Variants in THADA observed in about 807,000 individuals in gnomAD.
The protein encoded by THADA is tRNA (32-2'-O)-methyltransferase regulator THADA.
THADA carries 213 observed loss-of-function variants against 219.8 expected under a neutral mutation model. The ratio of observed to expected loss-of-function variants is 0.97; its 90% CI spans 0.87 to 1.09. The LOEUF (loss-of-function observed/expected upper bound fraction) is 1.09. THADA is among the 50% of genes least tolerant of loss of function. The probability of loss-of-function intolerance (pLI) is 0.00; values close to 1 mark genes in which losing one functional copy is unlikely to be tolerated. For synonymous variants in THADA, 1,018 were observed against 828.9 expected (o/e 1.23, Z -3.92); for missense variants, 2,956 against 2,311.3 (o/e 1.28, Z -5.72).
At chr2:43,253,681 T>C (rs1670037106) in intron 36 of THADA, among the ~76,000 whole-genome samples, 1 of 151,876 alleles carries the variant, frequency 6.6e-6, no homozygotes. Context: ...TTAATTTCTC[T>C]CTCCTCTCCT....
intron 26 of THADA, among the ~76,000 whole-genome samples, chr2:43,450,316 C>A (rs1037068036): frequency 2.0e-5 from 3 of 152,000 alleles, no homozygotes; most frequent in African/African-American, 7.3e-5. Context: ...GTTTTGGACA[C>A]AACTGTATAA....
chr2:43,408,771 A>G (rs1558714584), intron 28 of THADA, among the ~76,000 whole-genome samples: 1 of 152,222 alleles, frequency 6.6e-6, no homozygotes, highest in African/African-American at 2.4e-5. Context: ...CCAGGCAGAT[A>G]GCTATCTTTT....
At position 43,581,936 on chromosome 2, in the gene THADA, G is replaced by A. The variant is rs200404011; in HGVS notation, c.534-8C>T. 1.3e-6 allele frequency: 2 copies of A among 1,513,852 alleles called. No individual in the cohort carries two copies. The highest frequency in any genetic ancestry group is 1.4e-5 in the African/African-American group (1 of 70,388). The allele number at this position is 1,513,852 out of a possible 1,614,324, so 93.8% of individuals were successfully genotyped here. A position where few individuals can be genotyped will look rare whatever the true frequency, so the allele number is the denominator to read the frequency against. Reference sequence around the variant, plus strand: ...TGATTTCCAGCACATTTTCTATAAAGAAGAAAAGACATTATTACAAAAGGA... The same window carrying A: ...TGATTTCCAGCACATTTTCTATAAAAAAGAAAAGACATTATTACAAAAGGA... On this transcript the variant is annotated splice_region_variant and splice_polypyrimidine_tract_variant and intron_variant, in intron 7 of 37. Coordinates refer to ENST00000405975, the MANE Select transcript of THADA (RefSeq NM_022065.5).
chr2:43,381,683 C>T (rs539303915), intron 29 of THADA, among the ~76,000 whole-genome samples: 75 of 151,662 alleles, frequency 4.9e-4, no homozygotes, highest in African/African-American at 1.7e-3. Flanking sequence ...TGGATTCAAG[C>T]GATTCTTCTG....
At position 43,568,441 on chromosome 2, in the gene THADA, C is replaced by T. The variant is rs146912669; in HGVS notation, c.2188-1620G>A. ...TAACAATATAGTGCCAAGGTCACAA[C>T]CTCTAAAAGCCACAGGTGTACCAGT... On this transcript the variant is annotated intron_variant, in intron 14 of 37. Transcript: ENST00000405975. 3.3e-5 allele frequency among the ~76,000 whole-genome samples: 5 copies of T among 152,236 alleles called. No homozygotes were observed. In the East Asian group the frequency reaches 7.7e-4, roughly 24 times the overall value.
chr2:43,583,489 A>C (rs1700677046), intron 7 of THADA, among the ~76,000 whole-genome samples: 1 of 152,216 alleles, frequency 6.6e-6, no homozygotes, highest in Non-Finnish European at 1.5e-5. Flanking sequence ...ATTAAGGCAA[A>C]AGTTAGGAAA....
chr2:43,277,897 G>A (rs1272287357), intron 36 of THADA, among the ~76,000 whole-genome samples: 1 of 151,212 alleles, frequency 6.6e-6, no homozygotes, highest in African/African-American at 2.4e-5. Flanking sequence ...GGAATGTGAA[G>A]TTACCACCAG....
At chr2:43,533,742 G>C (rs555591110) in intron 21 of THADA, among the ~76,000 whole-genome samples, 61 of 152,262 alleles carry the variant, frequency 4.0e-4, no homozygotes, top group African/African-American at 1.5e-3. Flanking sequence ...GCCTGTCGTT[G>C]GGTGGAGGGC....
chr2:43,439,047 T>C (rs1330099213), intron 26 of THADA, among the ~76,000 whole-genome samples: 8 of 152,208 alleles, frequency 5.3e-5, no homozygotes, highest in Non-Finnish European at 1.2e-4. Flanking sequence ...TTAAAACTTA[T>C]GAACTGTCTC....
rs1430986250 is a variant in THADA at position 43,546,724 on chromosome 2, T to G, written c.3106+2486A>C. Among the ~76,000 whole-genome samples the G allele has an allele frequency of 2.6e-5, 4 of 152,226 alleles. No homozygotes were observed. In the South Asian group the frequency reaches 8.3e-4, roughly 32 times the overall value. Reference sequence around the variant, plus strand: ...CTTTTTTTGGTTTCCATTTGCTTGGTAGATCTTCCTCCATCCTTTTATTTT... The same window carrying G: ...CTTTTTTTGGTTTCCATTTGCTTGGGAGATCTTCCTCCATCCTTTTATTTT... On this transcript the variant is annotated intron_variant, in intron 20 of 37. Transcript: ENST00000405975.
intron 35 of THADA, among the ~76,000 whole-genome samples, chr2:43,280,209 C>T (rs949197245): frequency 2.0e-5 from 3 of 152,176 alleles, no homozygotes; most frequent in African/African-American, 7.2e-5. Context: ...CTAGTTGAGT[C>T]CTGATTCTCT....
Position 43,234,336 on chromosome 2 carries a change from T to C in THADA, c.5297-1454A>G, listed in dbSNP as rs914869592. Among the ~76,000 whole-genome samples, 15 of 152,212 alleles carry C rather than the reference T, an allele frequency of 9.9e-5. 1 individual carries two copies. The highest frequency in any genetic ancestry group is 9.2e-4 in the Admixed American group (14 of 15,274). ...TCAGAGGTCACACAGCAGCACCTAG[T>C]TGCATGTAAGCAGGTGAAAGTACTG... On this transcript the variant is annotated intron_variant, in intron 36 of 37. Coordinates refer to ENST00000405975, the MANE Select transcript of THADA (RefSeq NM_022065.5).
intron 25 of THADA, among the ~76,000 whole-genome samples, chr2:43,489,009 G>A (rs749310006): frequency 4.6e-5 from 7 of 151,898 alleles, no homozygotes; most frequent in Non-Finnish European, 1.0e-4. Context: ...TTGGGTTGTC[G>A]TTTATTATTG....
chr2:43,532,465 G>A (rs940819763), intron 21 of THADA, among the ~76,000 whole-genome samples: 9 of 147,264 alleles, frequency 6.1e-5, no homozygotes, highest in East Asian at 2.0e-4. Flanking sequence ...ATCAATAAAC[G>A]TGATCCATCA....
intron 21 of THADA, among the ~76,000 whole-genome samples, chr2:43,528,330 A>T (rs1269289070): frequency 6.6e-6 from 1 of 152,014 alleles, no homozygotes; most frequent in Non-Finnish European, 1.5e-5. Flanking sequence ...GGGTTTCACC[A>T]TGTTGGCCAG....
At chr2:43,286,873 T>G (rs946780006) in intron 35 of THADA, 35 bp downstream of exon 35, 2 of 1,588,466 alleles carry the variant, frequency 1.3e-6, no homozygotes, top group African/African-American at 2.7e-5. Context: ...TTTAAGTGAG[T>G]TTGGTACAAC....
chr2:43,365,386 T>C (rs891977871), intron 29 of THADA, among the ~76,000 whole-genome samples: 146 of 151,640 alleles, frequency 9.6e-4, no homozygotes, highest in African/African-American at 3.2e-3. Flanking sequence ...GCGTGGCCAA[T>C]AGAGTGAAAC....
intron 28 of THADA, among the ~76,000 whole-genome samples, chr2:43,419,705 C>T (rs1677451561): frequency 6.6e-6 from 1 of 152,112 alleles, no homozygotes; most frequent in South Asian, 2.1e-4. Flanking sequence ...ATTAAAAATG[C>T]CTGCAGAGCA....
intron 21 of THADA, among the ~76,000 whole-genome samples, chr2:43,533,899 A>G (rs1049280506): frequency 2.0e-5 from 3 of 152,214 alleles, no homozygotes; most frequent in African/African-American, 4.8e-5. Context: ...CAGAACTTAA[A>G]GTAAAATAAA....
Sources: allele counts gnomAD v4.1 joint callset (sites outside exome capture counted in the v4.1 genomes callset), GRCh38; gene constraint gnomAD v4.1.1; transcripts MANE v1.5; gene names NCBI Gene and HGNC (gene_info 2026-07-23, HGNC 2026-07-21).